Variants in LRP2 observed in about 807,000 individuals in gnomAD.
The protein encoded by LRP2 is low-density lipoprotein receptor-related protein 2.
A neutral mutation model predicts 531.0 loss-of-function variants in LRP2; 172 were observed. The observed-to-expected ratio is 0.32, with a 90% CI of 0.29 to 0.37. The LOEUF (loss-of-function observed/expected upper bound fraction) is 0.37. LRP2 is among the 10% of genes least tolerant of loss of function. The probability of loss-of-function intolerance (pLI) is 1.00; values close to 1 mark genes in which losing one functional copy is unlikely to be tolerated. For synonymous variants in LRP2, 1,992 were observed against 2,027.6 expected (o/e 0.98, Z 0.47); for missense variants, 5,167 against 5,868.3 (o/e 0.88, Z 3.90).
At chr2:169,270,025 T>C (rs749023713) in intron 16 of LRP2, among the ~76,000 whole-genome samples, 19 of 152,216 alleles carry the variant, frequency 1.2e-4, no homozygotes, top group African/African-American at 2.9e-4. Flanking sequence ...TCACTAGCCA[T>C]CAGAGAAATG....
chr2:169,210,655 A>G (rs1237738052), intron 37 of LRP2, among the ~76,000 whole-genome samples: 1 of 152,216 alleles, frequency 6.6e-6, no homozygotes, highest in Non-Finnish European at 1.5e-5. Flanking sequence ...AACTACTCCA[A>G]ACTGGAAGAA....
At chr2:169,300,263 A>G (rs1257460951) in intron 4 of LRP2, among the ~76,000 whole-genome samples, 3 of 152,036 alleles carry the variant, frequency 2.0e-5, no homozygotes, top group Non-Finnish European at 2.9e-5. Flanking sequence ...GGGAAAAAAA[A>G]CTTGCAAAAA....
intron 68 of LRP2, among the ~76,000 whole-genome samples, chr2:169,147,670 G>A (rs1008246417): frequency 3.3e-5 from 5 of 152,072 alleles, no homozygotes; most frequent in African/African-American, 1.2e-4. Flanking sequence ...GTAGAGCAAG[G>A]GTCTATGTAA....
At chr2:169,360,801 G>A (rs1281617185) in intron 1 of LRP2, among the ~76,000 whole-genome samples, 1 of 152,208 alleles carries the variant, frequency 6.6e-6, no homozygotes, top group East Asian at 1.9e-4. Context: ...GGGTTTGTTA[G>A]GGTTTCCAAA....
chr2:169,362,215 G>A lies in LRP2; in HGVS notation c.79+106C>T, dbSNP rs1686186851. Reference sequence around the variant, plus strand: ...GGAGCAGCTCCCGCGCCGCCGCCCGGCCCTAGCCCCTGCCCGGACGCTCTC... The same window carrying A: ...GGAGCAGCTCCCGCGCCGCCGCCCGACCCTAGCCCCTGCCCGGACGCTCTC... On this transcript the variant is annotated intron_variant, in intron 1 of 78. Transcript: ENST00000649046. The A allele has an allele frequency of 1.6e-5, 16 of 1,009,546 alleles. No individual in the cohort carries two copies. The South Asian group carries it at 2.6e-4, about 16-fold the overall frequency. The allele number at this position is 1,009,546 out of a possible 1,614,324, so 62.5% of individuals were successfully genotyped here.
In LRP2 at chr2:169,299,111, GAA is replaced by G. The variant is rs1400994675; in HGVS notation, c.428-4403_428-4402del. ...GGAAAGAAAGAAAGAAAGAAAGAAA[GAA>G]AGAAAGAAAGAAAGAAAGAAAGAAA... is the stretch of plus-strand genomic sequence containing the variant. On this transcript the variant is annotated intron_variant, in intron 4 of 78. Transcript: ENST00000649046. 2.2e-3 allele frequency among the ~76,000 whole-genome samples: 128 copies of G among 59,514 alleles called. 2 individuals are homozygous for G. The highest frequency in any genetic ancestry group is 3.1e-3 in the Non-Finnish European group (91 of 29,820). The allele number at this position is 59,514 out of a possible 152,430, so 39.0% of individuals were successfully genotyped here. A position where few individuals can be genotyped will look rare whatever the true frequency, so the allele number is the denominator to read the frequency against.
chr2:169,234,320 C>T (rs1450997711), intron 29 of LRP2, among the ~76,000 whole-genome samples: 1 of 151,992 alleles, frequency 6.6e-6, no homozygotes, highest in South Asian at 2.1e-4. Context: ...TGACAGGCCC[C>T]GGTGTGTGAT....
chr2:169,153,033 T>A lies in LRP2; in HGVS notation c.12296-69A>T. On this transcript the variant is annotated intron_variant, in intron 66 of 78. Coordinates refer to ENST00000649046, the MANE Select transcript of LRP2 (RefSeq NM_004525.3). ...AAGTAAAGGAAGAACAGGGGTCTAATCAGGTGAAGTACTGTTCGTTTATTG... is the reference window on the plus strand; with the variant it reads ...AAGTAAAGGAAGAACAGGGGTCTAAACAGGTGAAGTACTGTTCGTTTATTG... 2.1e-6 allele frequency: 3 copies of A among 1,407,234 alleles called. No individual in the cohort carries two copies. The South Asian group carries it at 3.5e-5, about 16-fold the overall frequency. 87.2% of individuals were successfully genotyped at this position (1,407,234 alleles called of 1,614,324 possible).
chr2:169,362,219 T>C (rs1574291204), intron 1 of LRP2, 102 bp downstream of exon 1: 2 of 1,039,020 alleles, frequency 1.9e-6, no homozygotes, highest in Non-Finnish European at 2.8e-6. Context: ...CGCCCGGCCC[T>C]AGCCCCTGCC....
chr2:169,185,739 A>G lies in LRP2; in HGVS notation c.9609T>C (p.Phe3203=). ...AATTTCTCAAATAGTAACGGTTGCTAAAAATGAGATAGGGTTCGATGTTAC... is the reference window on the plus strand; with the variant it reads ...AATTTCTCAAATAGTAACGGTTGCTGAAAATGAGATAGGGTTCGATGTTAC... ...QNSNIEPYLI[F]SNRYYLRNLT... The change falls in exon 50 of 79, where the codon TTT becomes TTC. Residue 3203 remains phenylalanine, a synonymous_variant. Coordinates refer to ENST00000649046, the MANE Select transcript of LRP2 (RefSeq NM_004525.3). 6.2e-7 allele frequency: 1 copy of G among 1,614,118 alleles called. No individual in the cohort carries two copies. The highest frequency in any genetic ancestry group is 8.5e-7 in the Non-Finnish European group (1 of 1,180,004).
intron 1 of LRP2, among the ~76,000 whole-genome samples, chr2:169,359,574 A>T (rs992525891): frequency 5.3e-5 from 8 of 152,194 alleles, no homozygotes; most frequent in African/African-American, 1.9e-4. Context: ...CAGGATCATT[A>T]CAACAGGATT....
At chr2:169,255,629 G>A (rs1335552667) in intron 19 of LRP2, among the ~76,000 whole-genome samples, 1 of 152,138 alleles carries the variant, frequency 6.6e-6, no homozygotes, top group African/African-American at 2.4e-5. Context: ...AAGTTTCAAA[G>A]TCATTCAGTC....
In LRP2 at chr2:169,246,898, C is replaced by G; in HGVS notation, c.2997G>C (p.Gly999=). Residue 999 remains glycine, a synonymous_variant, in exon 21 of 79, where the codon GGG becomes GGC. Transcript: ENST00000649046. ...FPVPNFQRVC[G]CPYGMRLASN... is the part of the protein sequence containing the mutation. ...AAGCCAGCCTCATTCCATAAGGGCA[C>G]CCACACACTCGCTGGAAATTTGGCA... 6.2e-7 allele frequency: 1 copy of G among 1,614,194 alleles called. No homozygotes were observed. Among genetic ancestry groups the G allele is most frequent in the Non-Finnish European group, 8.5e-7 (1 of 1,180,024 alleles).
At chr2:169,192,967 C>T (rs938413953) in intron 47 of LRP2, among the ~76,000 whole-genome samples, 2 of 152,080 alleles carry the variant, frequency 1.3e-5, no homozygotes, top group African/African-American at 2.4e-5. Flanking sequence ...ATTCTAACAC[C>T]GATTAGATTA....
intron 37 of LRP2, among the ~76,000 whole-genome samples, chr2:169,211,068 A>G (rs1280745860): frequency 2.0e-5 from 3 of 152,198 alleles, no homozygotes; most frequent in Admixed American, 2.0e-4. Context: ...GTACAAGATG[A>G]TAACTTAGAT....
chr2:169,164,799 A>G (rs112702706), intron 62 of LRP2, among the ~76,000 whole-genome samples: 1 of 152,140 alleles, frequency 6.6e-6, no homozygotes, highest in Non-Finnish European at 1.5e-5. Flanking sequence ...AAAGAATAGA[A>G]GTTTATGGAT....
intron 58 of LRP2, among the ~76,000 whole-genome samples, chr2:169,171,437 A>G (rs1017504642): frequency 1.3e-5 from 2 of 152,084 alleles, no homozygotes; most frequent in Non-Finnish European, 2.9e-5. Context: ...TCCTTTCCTC[A>G]ACCTCCCTAT....
rs1329244987 is a variant in LRP2 at position 169,332,265 on chromosome 2, C to T, written c.80-11381G>A. Among the ~76,000 whole-genome samples the T allele has an allele frequency of 2.0e-5, 3 of 152,194 alleles. No individual in the cohort carries two copies. Among genetic ancestry groups the T allele is most frequent in the Non-Finnish European group, 4.4e-5 (3 of 68,036 alleles). ...AATTATTTATAACTACTAAATGGACCTTCTTGACTGAATCTTATAAACACC... is the reference window on the plus strand; with the variant it reads ...AATTATTTATAACTACTAAATGGACTTTCTTGACTGAATCTTATAAACACC... On this transcript the variant is annotated intron_variant, in intron 1 of 78. Coordinates refer to ENST00000649046, the MANE Select transcript of LRP2 (RefSeq NM_004525.3).
At chr2:169,207,732 T>C (rs1205862653) in intron 38 of LRP2, among the ~76,000 whole-genome samples, 2 of 152,248 alleles carry the variant, frequency 1.3e-5, no homozygotes, top group African/African-American at 4.8e-5. Context: ...ACATGAAGTT[T>C]TTCCTTAGTC....
Sources: gnomAD v4.1 joint callset for allele counts (sites outside exome capture counted in the v4.1 genomes callset) on GRCh38, gnomAD v4.1.1 for gene constraint, MANE v1.5 for transcripts, NCBI Gene and HGNC (gene_info 2026-07-23, HGNC 2026-07-21) for gene names.